The following LMO7 variants were observed in gnomAD, a reference collection of about 807,000 sequenced individuals.
The protein encoded by LMO7 is LIM domain only protein 7.
A neutral mutation model predicts 206.5 loss-of-function variants in LMO7; 120 were observed. The ratio of observed to expected loss-of-function variants is 0.58; its 90% CI spans 0.50 to 0.68. The LOEUF (loss-of-function observed/expected upper bound fraction) is 0.68. Among genes scored for constraint, LMO7 ranks in the 30% least tolerant of loss-of-function variants. The pLI, the probability that LMO7 is intolerant of heterozygous loss-of-function variation, is 0.00. For missense variants in LMO7, 1,959 were observed against 1,957.9 expected (o/e 1.00, Z -0.01); for synonymous variants, 706 against 681.5 (o/e 1.04, Z -0.56).
chr13:75,813,510 T>C (rs1047456674), intron 11 of LMO7, among the ~76,000 whole-genome samples: 2 of 152,180 alleles, frequency 1.3e-5, no homozygotes, highest in Non-Finnish European at 2.9e-5. Context: ...CCTGGCTTGT[T>C]GCAGTGCCTG....
chr13:75,855,115 G>C (rs555771153), intron 28 of LMO7, 145 bp from the exon 29 acceptor site: 1 of 515,186 alleles, frequency 1.9e-6, no homozygotes, highest in African/African-American at 1.9e-5. Context: ...CTCTTTAGTT[G>C]GCTGGTAAAA....
In LMO7 at chr13:75,795,417, A is replaced by G. The variant is rs1367669672; in HGVS notation, c.334A>G (p.Arg112Gly). ...RVTVKQEETD[R>G]RVKNVLITLY... ...TCTTTACAGGCAAGAAGAGACTGAC[A>G]GGAGAGTGAAAAATGTAAGATACAT... Residue 112 changes from arginine to glycine, a missense_variant, in exon 5 of 31, where the codon AGG (arginine) becomes GGG (glycine). Arg to Gly is a moderately radical substitution (Grantham distance 125, BLOSUM62 -2). Coordinates refer to ENST00000377534, the MANE Select transcript of LMO7 (RefSeq NM_001306080.2). The G allele has an allele frequency of 5.7e-6, 9 of 1,590,724 alleles. No homozygotes were observed. The highest frequency in any genetic ancestry group is 7.7e-6 in the Non-Finnish European group (9 of 1,163,046).
chr13:75,801,181 G>A (rs4885350), intron 7 of LMO7, among the ~76,000 whole-genome samples: 5,673 of 148,598 alleles, frequency 0.038, 130 homozygotes, highest in Non-Finnish European at 0.053. Context: ...CTTAATTTGT[G>A]TTCAAGAGTT....
intron 1 of LMO7, among the ~76,000 whole-genome samples, chr13:75,652,647 G>A (rs998198285): frequency 7.0e-6 from 1 of 142,600 alleles, no homozygotes; most frequent in Admixed American, 6.9e-5. Context: ...GTGTGTGTGT[G>A]TGTGTGTGTG....
At chr13:75,697,414 A>G (rs2041982292) in intron 1 of LMO7, among the ~76,000 whole-genome samples, 1 of 152,168 alleles carries the variant, frequency 6.6e-6, no homozygotes, top group Non-Finnish European at 1.5e-5. Context: ...GATGGCAGGC[A>G]AGAGAGAATG....
Position 75,831,407 on chromosome 13 carries a change from T to C in LMO7, c.2950-1644T>C, listed in dbSNP as rs547752543. Among the ~76,000 whole-genome samples, 8 of 152,310 alleles carry C rather than the reference T, an allele frequency of 5.3e-5. No individual in the cohort carries two copies. The East Asian group carries it at 7.7e-4, about 15-fold the overall frequency. ...GTCATAATACTTCTGCCTGTCCATA[T>C]AGAGTAGTAAATTCTTGATCCTTTA... On this transcript the variant is annotated intron_variant, in intron 15 of 30. Coordinates refer to ENST00000377534, the MANE Select transcript of LMO7 (RefSeq NM_001306080.2).
At chr13:75,787,962 A>T (rs2052692493) in intron 4 of LMO7, among the ~76,000 whole-genome samples, 1 of 152,320 alleles carries the variant, frequency 6.6e-6, no homozygotes, top group South Asian at 2.1e-4. Context: ...TGGTGATTGC[A>T]CTTTTCTCTA....
intron 26 of LMO7, among the ~76,000 whole-genome samples, chr13:75,848,495 T>G (rs2060193500): frequency 6.6e-6 from 1 of 151,422 alleles, no homozygotes; most frequent in Admixed American, 6.6e-5. Context: ...CTTTATCCAC[T>G]CATTGATTGA....
At position 75,817,264 on chromosome 13, in the gene LMO7, C is replaced by G; in HGVS notation, c.2050C>G (p.Gln684Glu). The change falls in exon 12 of 31, where the codon CAG becomes GAG. Residue 684 changes from glutamine to glutamate, a missense_variant. Transcript: ENST00000377534. ...KIKSQLKEQD[Q>E]KWQDDLAKWK... is the part of the protein sequence containing the mutation. ...AAAATCACAATTAAAAGAACAAGATCAGAAATGGCAGGATGTGAGTATTTT... is the reference window on the plus strand; with the variant it reads ...AAAATCACAATTAAAAGAACAAGATGAGAAATGGCAGGATGTGAGTATTTT... 6.2e-7 allele frequency: 1 copy of G among 1,605,380 alleles called. No homozygotes were observed. The highest frequency in any genetic ancestry group is 8.5e-7 in the Non-Finnish European group (1 of 1,173,006).
At chr13:75,838,453 TAAAAAAAA>T (rs35202291) in intron 20 of LMO7, 6 of 206,140 alleles carry the variant, frequency 2.9e-5, no homozygotes, top group Admixed American at 7.2e-5. Flanking sequence ...TTTAACTTTG[TAAAAAAAA>T]AAAAAAAAAA....
chr13:75,777,349 T>C (rs190824926), intron 4 of LMO7, among the ~76,000 whole-genome samples: 2 of 152,248 alleles, frequency 1.3e-5, no homozygotes, highest in African/African-American at 4.8e-5. Context: ...GTTCATGCTA[T>C]TCCACATTTA....
At chr13:75,843,396 G>A (rs560579218) in intron 25 of LMO7, among the ~76,000 whole-genome samples, 10 of 152,298 alleles carry the variant, frequency 6.6e-5, no homozygotes, top group South Asian at 6.2e-4. Flanking sequence ...GTCACAGGTC[G>A]TGGAGAAGAG....
intron 17 of LMO7, among the ~76,000 whole-genome samples, 177 bp downstream of exon 17, chr13:75,834,564 G>A (rs923635260): frequency 6.6e-6 from 1 of 151,446 alleles, no homozygotes; most frequent in Admixed American, 6.6e-5. Context: ...ACTCTGTCTG[G>A]ATTTTTCACT....
At chr13:75,762,620 T>C (rs1000291349) in intron 4 of LMO7, among the ~76,000 whole-genome samples, 6 of 152,162 alleles carry the variant, frequency 3.9e-5, no homozygotes, top group African/African-American at 1.2e-4. Context: ...GACAAATTAG[T>C]ATCTGGGCTC....
intron 2 of LMO7, among the ~76,000 whole-genome samples, chr13:75,625,217 A>G (rs954017860): frequency 4.6e-5 from 7 of 152,192 alleles, no homozygotes; most frequent in Admixed American, 1.3e-4. Flanking sequence ...TCTAGCAAAG[A>G]ATTTCTCTTT....
At chr13:75,855,988 G>A (rs2060900122) in intron 29 of LMO7, among the ~76,000 whole-genome samples, 1 of 152,188 alleles carries the variant, frequency 6.6e-6, no homozygotes, top group Non-Finnish European at 1.5e-5. Flanking sequence ...GTCCATTGCT[G>A]GCTTGGGCTG....
intron 4 of LMO7, among the ~76,000 whole-genome samples, chr13:75,787,467 G>A (rs1383198297): frequency 6.6e-6 from 1 of 152,198 alleles, no homozygotes. Flanking sequence ...TTAGTAGTGT[G>A]TGGGAGAGCT....
intron 1 of LMO7, among the ~76,000 whole-genome samples, chr13:75,669,281 T>C (rs2039337325): frequency 6.6e-6 from 1 of 152,154 alleles, no homozygotes; most frequent in Non-Finnish European, 1.5e-5. Context: ...GGGAGAAGTC[T>C]CATAGCATTC....
At chr13:75,781,096 CTTTTTT>C (rs367937964) in intron 4 of LMO7, among the ~76,000 whole-genome samples, 48 of 41,902 alleles carry the variant, frequency 1.1e-3, no homozygotes, top group South Asian at 0.011. Context: ...CTCTATTTTC[CTTTTTT>C]TTTTTTTTTT....
Sources: allele counts gnomAD v4.1 joint callset (sites outside exome capture counted in the v4.1 genomes callset), GRCh38; gene constraint gnomAD v4.1.1; transcripts MANE v1.5; gene names NCBI Gene and HGNC (gene_info 2026-07-23, HGNC 2026-07-21).